Variants in SEC61A2 observed in about 807,000 individuals in gnomAD.
SEC61A2 encodes the protein protein transport protein Sec61 subunit alpha isoform 2.
In SEC61A2, 28 loss-of-function variants were observed where a neutral mutation model predicts 59.9. The observed-to-expected ratio is 0.47, with a 90% CI of 0.35 to 0.64. The LOEUF (loss-of-function observed/expected upper bound fraction) is 0.64, where lower values mean the gene tolerates loss of function less well. SEC61A2 is among the 30% of genes least tolerant of loss of function. SEC61A2 has a pLI of 0.01. For missense variants in SEC61A2, 340 were observed against 585.9 expected (o/e 0.58, Z 4.33); for synonymous variants, 202 against 214.4 (o/e 0.94, Z 0.50).
Position 12,143,034 on chromosome 10 carries a change from C to T in SEC61A2, c.142-83C>T, listed in dbSNP as rs1834057658. The T allele has an allele frequency of 2.9e-6, 3 of 1,022,284 alleles. No homozygotes were observed. The highest frequency in any genetic ancestry group is 4.6e-6 in the Non-Finnish European group (3 of 647,682). 63.3% of individuals were successfully genotyped at this position (1,022,284 alleles called of 1,614,324 possible). A position where few individuals can be genotyped will look rare whatever the true frequency, so the allele number is the denominator to read the frequency against. Reference sequence around the variant, plus strand: ...GTGGCGTGATCTCAGCTCACTGCAGCCTTTGCCTCCTGGGTTCAAGCGATT... The same window carrying T: ...GTGGCGTGATCTCAGCTCACTGCAGTCTTTGCCTCCTGGGTTCAAGCGATT... On this transcript the variant is annotated intron_variant, in intron 3 of 11. Coordinates refer to ENST00000298428, the MANE Select transcript of SEC61A2 (RefSeq NM_018144.4). This position sits in a 1 kb window ranked among gnomAD's most constrained non-coding sequence, Gnocchi z 4.8.
Position 12,156,825 on chromosome 10 carries a change from TG to T in SEC61A2, c.617-80del. 7.0e-7 allele frequency: 1 copy of T among 1,418,822 alleles called. No individual in the cohort carries two copies. Among genetic ancestry groups the T allele is most frequent in the Non-Finnish European group, 9.8e-7 (1 of 1,024,990 alleles). The allele number at this position is 1,418,822 out of a possible 1,614,324, so 87.9% of individuals were successfully genotyped here. On this transcript the variant is annotated intron_variant, in intron 7 of 11. Transcript: ENST00000298428. The surrounding 1 kb of genome is among the most constrained non-coding windows in gnomAD (Gnocchi z 5.2). ...TTGACCCATATTTTCTGCTGTATACTGGACTTTCACGGTTAGTTGTTTGAGC... is the reference window on the plus strand; with the variant it reads ...TTGACCCATATTTTCTGCTGTATACTGACTTTCACGGTTAGTTGTTTGAGC...
chr10:12,163,094 G>A (rs959799408), intron 11 of SEC61A2, among the ~76,000 whole-genome samples: 2 of 152,042 alleles, frequency 1.3e-5, no homozygotes, highest in Middle Eastern at 3.2e-3. Context: ...CTTCCAGGTT[G>A]GCTGCTGTAG....
chr10:12,138,686 T>G (rs1387447275), intron 3 of SEC61A2, among the ~76,000 whole-genome samples: 2 of 152,260 alleles, frequency 1.3e-5, no homozygotes, highest in Non-Finnish European at 2.9e-5. Context: ...ATATGGTCGT[T>G]ACGTCAGTAA....
At position 12,165,377 on chromosome 10, in the gene SEC61A2, G is replaced by A; in HGVS notation, c.*923G>A. ...TATTTAAGAAAACTGATTCAGTTGT[G>A]TTGGAAAAAATAAAGAAATCTGATA... On this transcript the variant is annotated 3_prime_UTR_variant, in exon 12 of 12. Coordinates refer to ENST00000298428, the MANE Select transcript of SEC61A2 (RefSeq NM_018144.4). 1.0e-6 allele frequency: 1 copy of A among 971,474 alleles called. No individual in the cohort carries two copies. Among genetic ancestry groups the A allele is most frequent in the Non-Finnish European group, 1.2e-6 (1 of 817,300 alleles). 60.2% of individuals were successfully genotyped at this position (971,474 alleles called of 1,614,324 possible).
intron 6 of SEC61A2, among the ~76,000 whole-genome samples, chr10:12,151,768 ATTT>A (rs1270171579): frequency 6.6e-6 from 1 of 151,790 alleles, no homozygotes; most frequent in East Asian, 1.9e-4. Context: ...TTTGTTTTTT[ATTT>A]TTGAGACGGA....
At chr10:12,168,490 C>A (rs191408656), downstream of SEC61A2, among the ~76,000 whole-genome samples, 3 of 152,240 alleles carry the variant, frequency 2.0e-5, no homozygotes, top group Admixed American at 2.0e-4. This position sits in a 1 kb window ranked among gnomAD's most constrained non-coding sequence, Gnocchi z 4.8. Context: ...TACATATGTT[C>A]CCCCGGCAAG....
In SEC61A2 at chr10:12,146,527, A is replaced by AT. The variant is rs971991269; in HGVS notation, c.221-3060dup. 4.9e-5 allele frequency among the ~76,000 whole-genome samples: 7 copies of AT among 143,644 alleles called. No individual in the cohort carries two copies. The South Asian group carries it at 1.3e-3, about 27-fold the overall frequency. The allele number at this position is 143,644 out of a possible 152,430, so 94.2% of individuals were successfully genotyped here. A position where few individuals can be genotyped will look rare whatever the true frequency, so the allele number is the denominator to read the frequency against. ...GTTTTTTTCCTTTTTTTTTTGTTTTATTTTTTTTGAGACGGAGTCTCGCTC... is the reference window on the plus strand; with the variant it reads ...GTTTTTTTCCTTTTTTTTTTGTTTTATTTTTTTTTGAGACGGAGTCTCGCTC... On this transcript the variant is annotated intron_variant, in intron 4 of 11. Transcript: ENST00000298428.
intron 3 of SEC61A2, among the ~76,000 whole-genome samples, chr10:12,141,878 G>A (rs7350459): frequency 2.0e-5 from 3 of 152,080 alleles, no homozygotes; most frequent in African/African-American, 7.2e-5. Flanking sequence ...AAAATGACCC[G>A]CAAACACTGA....
chr10:12,149,487 A>C lies in SEC61A2; in HGVS notation c.221-108A>C. 2.6e-6 allele frequency: 3 copies of C among 1,143,490 alleles called. No homozygotes were observed. Among genetic ancestry groups the C allele is most frequent in the Non-Finnish European group, 3.7e-6 (3 of 808,010 alleles). The allele number at this position is 1,143,490 out of a possible 1,614,324, so 70.8% of individuals were successfully genotyped here. Reference sequence around the variant, plus strand: ...TTAAGAAATGAAAATTTGCTTGTTAAAATTTTCACGTGTGTTTCAGTTGAG... The same window carrying C: ...TTAAGAAATGAAAATTTGCTTGTTACAATTTTCACGTGTGTTTCAGTTGAG... On this transcript the variant is annotated intron_variant, in intron 4 of 11. Coordinates refer to ENST00000298428, the MANE Select transcript of SEC61A2 (RefSeq NM_018144.4). The surrounding 1 kb of genome is among the most constrained non-coding windows in gnomAD (Gnocchi z 5.2).
downstream of SEC61A2, chr10:12,166,265 A>G (rs1315948682): frequency 3.3e-5 from 5 of 153,358 alleles, no homozygotes; most frequent in Non-Finnish European, 4.4e-5. Context: ...CTTGATTTCA[A>G]TGATTGATAG....
rs1369102601 is a variant in SEC61A2, at chr10:12,153,312, A to T, written c.463-2466A>T. ...TTCTTTACAGCATTTTCTTTCTGCA[A>T]TCCAGAGTTTAGAATAATCTTGATT... On this transcript the variant is annotated intron_variant, in intron 6 of 11. Coordinates refer to ENST00000298428, the MANE Select transcript of SEC61A2 (RefSeq NM_018144.4). This position sits in a 1 kb window ranked among gnomAD's most constrained non-coding sequence, Gnocchi z 5.2. 6.6e-6 allele frequency among the ~76,000 whole-genome samples: 1 copy of T among 152,156 alleles called. No homozygotes were observed. Among genetic ancestry groups the T allele is most frequent in the Admixed American group, 6.5e-5 (1 of 15,276 alleles).
At chr10:12,138,831 A>G (rs1442395291) in intron 3 of SEC61A2, among the ~76,000 whole-genome samples, 5 of 152,242 alleles carry the variant, frequency 3.3e-5, no homozygotes, top group African/African-American at 7.2e-5. Context: ...ACATTCATGT[A>G]TAAGTCTTTC....
At position 12,149,481 on chromosome 10, in the gene SEC61A2, T is replaced by C. The variant is rs1834226546; in HGVS notation, c.221-114T>C. 2.0e-6 allele frequency: 2 copies of C among 1,009,380 alleles called. No individual in the cohort carries two copies. Among genetic ancestry groups the C allele is most frequent in the Middle Eastern group, 3.1e-4 (1 of 3,256 alleles). 62.5% of individuals were successfully genotyped at this position (1,009,380 alleles called of 1,614,324 possible). ...TAGTGTTTAAGAAATGAAAATTTGC[T>C]TGTTAAAATTTTCACGTGTGTTTCA... On this transcript the variant is annotated intron_variant, in intron 4 of 11. Transcript: ENST00000298428. The surrounding 1 kb of genome is among the most constrained non-coding windows in gnomAD (Gnocchi z 5.2).
At chr10:12,140,467 A>G (rs1833993124) in intron 3 of SEC61A2, among the ~76,000 whole-genome samples, 1 of 152,216 alleles carries the variant, frequency 6.6e-6, no homozygotes, top group African/African-American at 2.4e-5. Context: ...TTAGAAACCA[A>G]TTTTAATAAT....
rs780670911 is a variant in SEC61A2 at position 12,155,246 on chromosome 10, T to G, written c.463-532T>G. The G allele has an allele frequency of 1.1e-4, 130 of 1,184,968 alleles. No homozygotes were observed. Among genetic ancestry groups the G allele is most frequent in the South Asian group, 3.5e-4 (16 of 45,244 alleles). The allele number at this position is 1,184,968 out of a possible 1,614,324, so 73.4% of individuals were successfully genotyped here. On this transcript the variant is annotated intron_variant, in intron 6 of 11. Transcript: ENST00000298428. This position sits in a 1 kb window ranked among gnomAD's most constrained non-coding sequence, Gnocchi z 4.3. ...TTTGAGTACATATTTGTGTTCTAGT[T>G]TTTTATTCTGTACACATTTTATAGA...
chr10:12,158,963 C>T lies in SEC61A2; in HGVS notation c.975+858C>T, dbSNP rs1834468635. Among the ~76,000 whole-genome samples the T allele has an allele frequency of 1.3e-5, 2 of 151,710 alleles. No homozygotes were observed. The highest frequency in any genetic ancestry group is 2.9e-5 in the Non-Finnish European group (2 of 67,956). ...TCCTATACATTCTCATATACATCCC[C>T]CATCATAATTTTTTTTTCTTTTTTT... On this transcript the variant is annotated intron_variant, in intron 9 of 11. Coordinates refer to ENST00000298428, the MANE Select transcript of SEC61A2 (RefSeq NM_018144.4). This position sits in a 1 kb window ranked among gnomAD's most constrained non-coding sequence, Gnocchi z 5.7.
At position 12,165,129 on chromosome 10, in the gene SEC61A2, G is replaced by C; in HGVS notation, c.*675G>C. The C allele has an allele frequency of 1.0e-6, 1 of 985,588 alleles. No individual in the cohort carries two copies. The highest frequency in any genetic ancestry group is 4.7e-5 in the South Asian group (1 of 21,276). 61.1% of individuals were successfully genotyped at this position (985,588 alleles called of 1,614,324 possible). On this transcript the variant is annotated 3_prime_UTR_variant, in exon 12 of 12. Transcript: ENST00000298428. ...GACAGCATCATCGTGCTGTTTGCCTGTATTGGCTATGCCTTCTAACTCCAA... is the reference window on the plus strand; with the variant it reads ...GACAGCATCATCGTGCTGTTTGCCTCTATTGGCTATGCCTTCTAACTCCAA...
intron 2 of SEC61A2, among the ~76,000 whole-genome samples, chr10:12,134,371 G>A (rs1387784200): frequency 6.6e-6 from 1 of 152,156 alleles, no homozygotes; most frequent in Non-Finnish European, 1.5e-5. Flanking sequence ...GGCATCCTGA[G>A]AAACCCTGGC....
At chr10:12,132,127 C>A (rs548227454) in intron 1 of SEC61A2, among the ~76,000 whole-genome samples, 1 of 148,590 alleles carries the variant, frequency 6.7e-6, no homozygotes, top group African/African-American at 2.5e-5. Context: ...ATGGTGAAAC[C>A]CCGGCTCTAC....
Sources: allele counts gnomAD v4.1 joint callset (sites outside exome capture counted in the v4.1 genomes callset), GRCh38; gene constraint gnomAD v4.1.1; non-coding constraint Gnocchi (gnomAD v3.1); transcripts MANE v1.5; gene names NCBI Gene and HGNC (gene_info 2026-07-23, HGNC 2026-07-21).